Variants in ATP8B4 observed in about 807,000 individuals in gnomAD.
ATP8B4 encodes ATPase phospholipid transporting 8B4 (putative).
In ATP8B4, 133 loss-of-function variants were observed where a neutral mutation model predicts 145.6. The ratio of observed to expected loss-of-function variants is 0.91; its 90% CI spans 0.79 to 1.05. The LOEUF is 1.05. Ranked by LOEUF, ATP8B4 falls within the 50% of genes least tolerant of loss-of-function variation. The probability of loss-of-function intolerance (pLI) is 0.00; values close to 1 mark genes in which losing one functional copy is unlikely to be tolerated. For synonymous variants in ATP8B4, 507 were observed against 492.9 expected (o/e 1.03, Z -0.38); for missense variants, 1,458 against 1,425.2 (o/e 1.02, Z -0.37).
In ATP8B4 at chr15:50,071,244, G is replaced by A. The variant is rs139025438; in HGVS notation, c.87+2883C>T. Among the ~76,000 whole-genome samples, 796 of 152,250 alleles carry A rather than the reference G, an allele frequency of 5.2e-3. 4 individuals are homozygous for A. Among genetic ancestry groups the A allele is most frequent in the Middle Eastern group, 0.017 (5 of 294 alleles). On this transcript the variant is annotated intron_variant, in intron 3 of 27. Coordinates refer to ENST00000284509, the MANE Select transcript of ATP8B4 (RefSeq NM_024837.4). ...AGCATTTTATGACTTTTAAAAGAAA[G>A]AAAGATCTGAAGCAATGGCAAATTG...
intron 14 of ATP8B4, among the ~76,000 whole-genome samples, chr15:49,937,812 C>A (rs1446291699): frequency 2.6e-5 from 4 of 152,270 alleles, no homozygotes; most frequent in Non-Finnish European, 4.4e-5. Context: ...TTGATTAATA[C>A]ACAATACAGT....
In ATP8B4 at chr15:50,002,151, A is replaced by G; in HGVS notation, c.506+2T>C. ...CAAATTATTCTAATTTTAATAACTTACCCATCAAGCTCAGCAGTTTCAACA... is the reference window on the plus strand; with the variant it reads ...CAAATTATTCTAATTTTAATAACTTGCCCATCAAGCTCAGCAGTTTCAACA... On this transcript the variant is annotated splice_donor_variant, in intron 8 of 27. Transcript: ENST00000284509. LOFTEE classifies it high-confidence loss of function. 6.2e-7 allele frequency: 1 copy of G among 1,600,988 alleles called. No homozygotes were observed. Among genetic ancestry groups the G allele is most frequent in the Non-Finnish European group, 8.5e-7 (1 of 1,170,150 alleles).
At chr15:50,033,927 T>G (rs1377812619) in intron 6 of ATP8B4, among the ~76,000 whole-genome samples, 1 of 152,200 alleles carries the variant, frequency 6.6e-6, no homozygotes, top group African/African-American at 2.4e-5. Flanking sequence ...TATTCCATGG[T>G]GTATATATAC....
At chr15:49,903,280 A>C (rs1417218373) in intron 20 of ATP8B4, among the ~76,000 whole-genome samples, 1 of 152,260 alleles carries the variant, frequency 6.6e-6, no homozygotes, top group Non-Finnish European at 1.5e-5. Flanking sequence ...AACTCCCTTC[A>C]ATGACTATGA....
chr15:49,896,563 A>G (rs1334333702), intron 23 of ATP8B4: 1 of 152,210 alleles, frequency 6.6e-6, no homozygotes, highest in Non-Finnish European at 1.5e-5. Context: ...TTCAAGGACA[A>G]TCTTTTTCTT....
rs772197039 is a variant in ATP8B4, at chr15:49,991,700, T to TA, written c.590-4152dup. Among the ~76,000 whole-genome samples the TA allele has an allele frequency of 4.6e-5, 7 of 152,290 alleles. No homozygotes were observed. In the East Asian group the frequency reaches 1.4e-3, roughly 29 times the overall value. ...TGAGAACTTTTCAAATAAATGGATTTACCTGCCAAAACCCAACTCTCTTGT... is the reference window on the plus strand; with the variant it reads ...TGAGAACTTTTCAAATAAATGGATTTAACCTGCCAAAACCCAACTCTCTTGT... On this transcript the variant is annotated intron_variant, in intron 9 of 27. Transcript: ENST00000284509.
In ATP8B4 at chr15:49,892,517, T is replaced by A. The variant is rs143926972; in HGVS notation, c.2697+4775A>T. Among the ~76,000 whole-genome samples the A allele has an allele frequency of 2.0e-3, 305 of 152,322 alleles. 1 individual carries two copies. The highest frequency in any genetic ancestry group is 6.8e-3 in the African/African-American group (282 of 41,572). Reference sequence around the variant, plus strand: ...TCCTATGGGGACAATATTCTTGTTATCATTTTGCTCTTTGTACATCTTATT... The same window carrying A: ...TCCTATGGGGACAATATTCTTGTTAACATTTTGCTCTTTGTACATCTTATT... On this transcript the variant is annotated intron_variant, in intron 23 of 27. Coordinates refer to ENST00000284509, the MANE Select transcript of ATP8B4 (RefSeq NM_024837.4).
At chr15:50,046,276 T>C (rs1314195137) in intron 4 of ATP8B4, among the ~76,000 whole-genome samples, 1 of 152,142 alleles carries the variant, frequency 6.6e-6, no homozygotes, top group East Asian at 1.9e-4. Context: ...TCTTTCTCTC[T>C]TTCTCTCTCT....
chr15:49,957,358 C>A (rs1306492417), intron 14 of ATP8B4, among the ~76,000 whole-genome samples: 1 of 147,584 alleles, frequency 6.8e-6, no homozygotes, highest in African/African-American at 2.7e-5. Flanking sequence ...CGCACACAAA[C>A]ACACACACAC....
intron 1 of ATP8B4, among the ~76,000 whole-genome samples, chr15:50,153,372 G>A (rs936517213): frequency 2.8e-5 from 4 of 144,840 alleles, no homozygotes; most frequent in African/African-American, 5.1e-5. Flanking sequence ...GGTGTCCCAC[G>A]CTGTCGCCCA....
intron 3 of ATP8B4, among the ~76,000 whole-genome samples, chr15:50,058,746 C>T (rs2052787366): frequency 6.6e-6 from 1 of 152,118 alleles, no homozygotes; most frequent in Non-Finnish European, 1.5e-5. Flanking sequence ...AGGTGTTCTC[C>T]TGCAACAGTC....
intron 14 of ATP8B4, among the ~76,000 whole-genome samples, chr15:49,951,983 T>C (rs1232623107): frequency 2.6e-5 from 4 of 152,202 alleles, no homozygotes; most frequent in East Asian, 1.9e-4. Context: ...AAATCCTGGG[T>C]TGAAAATTCT....
chr15:50,091,290 AC>A (rs984008113), intron 2 of ATP8B4, among the ~76,000 whole-genome samples: 2 of 152,140 alleles, frequency 1.3e-5, no homozygotes, highest in African/African-American at 4.8e-5. Context: ...TTAACTGCTT[AC>A]CCCATATGTC....
chr15:49,980,190 G>T (rs2046031976), intron 11 of ATP8B4, among the ~76,000 whole-genome samples: 1 of 152,166 alleles, frequency 6.6e-6, no homozygotes, highest in African/African-American at 2.4e-5. Context: ...CCCCAGGTCT[G>T]CAGGTGATAC....
At chr15:49,962,146 A>T (rs1364365119) in intron 13 of ATP8B4, 126 bp from the exon 14 acceptor site, 3 of 699,274 alleles carry the variant, frequency 4.3e-6, no homozygotes, top group Non-Finnish European at 2.3e-6. Flanking sequence ...GAATTTAAAC[A>T]GGCGAATGGT....
chr15:49,925,157 A>G (rs1258226147), intron 16 of ATP8B4, among the ~76,000 whole-genome samples: 1 of 152,142 alleles, frequency 6.6e-6, no homozygotes, highest in African/African-American at 2.4e-5. Flanking sequence ...GAGAAATTTT[A>G]TTATATCAGT....
At chr15:50,088,151 G>A (rs1043645712) in intron 2 of ATP8B4, among the ~76,000 whole-genome samples, 2 of 152,040 alleles carry the variant, frequency 1.3e-5, no homozygotes, top group African/African-American at 4.8e-5. Flanking sequence ...ACTTTAGGAG[G>A]CCAAGGCGGG....
At chr15:49,912,224 T>C (rs1478233508) in intron 20 of ATP8B4, among the ~76,000 whole-genome samples, 1 of 151,880 alleles carries the variant, frequency 6.6e-6, no homozygotes, top group South Asian at 2.1e-4. Flanking sequence ...AAAGGATCAA[T>C]GAAATGAAAA....
rs540075406 is a variant in ATP8B4 at position 50,117,174 on chromosome 15, T to C, written c.-43+1949A>G. Among the ~76,000 whole-genome samples the C allele has an allele frequency of 1.2e-3, 179 of 152,220 alleles. 2 individuals carry two copies. Among genetic ancestry groups the C allele is most frequent in the South Asian group, 8.1e-3 (39 of 4,822 alleles). ...AGGCGATTCTCCTGCCTCAGCCTCC[T>C]GAGTAGTTGAGATTACAGGAGCCCA... On this transcript the variant is annotated intron_variant, in intron 1 of 27. Transcript: ENST00000284509.
Sources: gnomAD v4.1 joint callset for allele counts (sites outside exome capture counted in the v4.1 genomes callset) on GRCh38, gnomAD v4.1.1 for gene constraint, MANE v1.5 for transcripts, NCBI Gene and HGNC (gene_info 2026-07-23, HGNC 2026-07-21) for gene names.